The following UCK2 variants were observed in gnomAD, a reference collection of about 807,000 sequenced individuals.
The protein encoded by UCK2 is uridine-cytidine kinase 2.
Under a neutral mutation model 30.8 loss-of-function variants are expected in UCK2, and 6 were observed. The ratio of observed to expected loss-of-function variants is 0.19; its 90% CI spans 0.11 to 0.38. UCK2 has a LOEUF of 0.38. UCK2 is among the 10% of genes least tolerant of loss of function. UCK2 has a pLI of 1.00. For synonymous variants in UCK2, 125 were observed against 133.6 expected, an observed-to-expected ratio of 0.94 and a Z score of 0.45; for missense variants, 210 against 339.8, an observed-to-expected ratio of 0.62 and a Z score of 3.00.
intron 4 of UCK2, among the ~76,000 whole-genome samples, chr1:165,899,282 C>A (rs1459977963): frequency 6.6e-6 from 1 of 152,120 alleles, no homozygotes; most frequent in Non-Finnish European, 1.5e-5. Context: ...CTTCATATTC[C>A]CTCTGTGCTC....
chr1:165,837,455 A>G (rs1654223406), intron 1 of UCK2, among the ~76,000 whole-genome samples: 1 of 152,096 alleles, frequency 6.6e-6, no homozygotes, highest in South Asian at 2.1e-4. Context: ...CATTCATCTC[A>G]ACTGGATACC....
At chr1:165,891,444 C>G in intron 3 of UCK2, 122 bp downstream of exon 3, 1 of 837,156 alleles carries the variant, frequency 1.2e-6, no homozygotes, top group Non-Finnish European at 1.9e-6. Flanking sequence ...CTGCCTAATG[C>G]CATTCCAGCT....
chr1:165,892,657 CAA>C (rs937385701), intron 3 of UCK2: 5 of 152,146 alleles, frequency 3.3e-5, no homozygotes, highest in African/African-American at 1.2e-4. Flanking sequence ...GTCACGTTGA[CAA>C]GAGACATTCC....
intron 5 of UCK2, among the ~76,000 whole-genome samples, chr1:165,905,367 C>T (rs978045512): frequency 2.6e-5 from 4 of 151,868 alleles, no homozygotes; most frequent in African/African-American, 9.7e-5. Flanking sequence ...GCCTGTAGTC[C>T]CAGCTACTCA....
chr1:165,856,789 C>T (rs969901706), intron 1 of UCK2, among the ~76,000 whole-genome samples: 3 of 152,148 alleles, frequency 2.0e-5, no homozygotes, highest in Admixed American at 6.5e-5. Flanking sequence ...TTGGAACACA[C>T]TTCCAGAGTC....
At chr1:165,872,809 TCA>T (rs1655232939) in intron 1 of UCK2, among the ~76,000 whole-genome samples, 1 of 152,148 alleles carries the variant, frequency 6.6e-6, no homozygotes, top group African/African-American at 2.4e-5. Flanking sequence ...AAAAAATCAT[TCA>T]CACATGGTTT....
intron 1 of UCK2, among the ~76,000 whole-genome samples, chr1:165,860,472 G>T (rs547759648): frequency 6.6e-6 from 1 of 151,684 alleles, no homozygotes; most frequent in Admixed American, 6.6e-5. Context: ...TTTTTGAGAC[G>T]GGCCTCACTC....
chr1:165,902,106 G>A (rs1041098584), intron 4 of UCK2, among the ~76,000 whole-genome samples: 1 of 152,058 alleles, frequency 6.6e-6, no homozygotes, highest in East Asian at 1.9e-4. Flanking sequence ...CGTGGTGGCA[G>A]GTGCCTGTAG....
At chr1:165,899,496 CA>C (rs1448859033) in intron 4 of UCK2, among the ~76,000 whole-genome samples, 2 of 152,168 alleles carry the variant, frequency 1.3e-5, no homozygotes, top group Non-Finnish European at 2.9e-5. Flanking sequence ...TTGACTTCAC[CA>C]TTGAGGAATT....
At chr1:165,836,685 T>G (rs1046962090) in intron 1 of UCK2, among the ~76,000 whole-genome samples, 1 of 152,170 alleles carries the variant, frequency 6.6e-6, no homozygotes, top group Non-Finnish European at 1.5e-5. Context: ...GGAGGGGTGA[T>G]GGGCCTTTAT....
chr1:165,845,911 C>T (rs1654435133), intron 1 of UCK2, among the ~76,000 whole-genome samples: 3 of 152,186 alleles, frequency 2.0e-5, no homozygotes, highest in Non-Finnish European at 4.4e-5. Context: ...CAGTGATCCT[C>T]CTGCCTCGGC....
chr1:165,858,893 A>G (rs946660890), intron 1 of UCK2, among the ~76,000 whole-genome samples: 3 of 152,138 alleles, frequency 2.0e-5, no homozygotes, highest in Admixed American at 6.5e-5. Context: ...CCTGTTTTAT[A>G]TATTCATCAT....
chr1:165,847,536 C>T (rs889449381), intron 1 of UCK2, among the ~76,000 whole-genome samples: 3 of 152,188 alleles, frequency 2.0e-5, no homozygotes, highest in Non-Finnish European at 4.4e-5. Context: ...TCCTAATTTG[C>T]ATCACTCCCT....
At chr1:165,906,381 C>T (rs1251736703) in intron 6 of UCK2, among the ~76,000 whole-genome samples, 3 of 152,110 alleles carry the variant, frequency 2.0e-5, no homozygotes, top group Non-Finnish European at 2.9e-5. Flanking sequence ...ACTTATTTTT[C>T]ATTTTATTTT....
In UCK2 at chr1:165,875,368, T is replaced by A. The variant is rs142768396; in HGVS notation, c.100-14836T>A. 5.8e-4 allele frequency among the ~76,000 whole-genome samples: 88 copies of A among 152,238 alleles called. No individual in the cohort carries two copies. The South Asian group carries it at 0.017, about 30-fold the overall frequency. On this transcript the variant is annotated intron_variant, in intron 1 of 6. Coordinates refer to ENST00000367879, the MANE Select transcript of UCK2 (RefSeq NM_012474.5). ...GTAGGGAAACTCTCTGAAACCACAT[T>A]TTTCCTTTACTCTCACACCACAACA...
rs553252618 is a variant in UCK2, at chr1:165,864,041, G to A, written c.100-26163G>A. On this transcript the variant is annotated intron_variant, in intron 1 of 6. Coordinates refer to ENST00000367879, the MANE Select transcript of UCK2 (RefSeq NM_012474.5). ...TGGCTCACTGTAACCTCCACCTCCC[G>A]TGTTCAAGTGATTCTTCTGCCTCAG... is the stretch of plus-strand genomic sequence containing the variant. 2.6e-5 allele frequency among the ~76,000 whole-genome samples: 4 copies of A among 151,230 alleles called. No individual in the cohort carries two copies. In the South Asian group the frequency reaches 6.3e-4, roughly 24 times the overall value.
Position 165,905,929 on chromosome 1 carries a change from G to A in UCK2, c.606G>A (p.Lys202=). Residue 202 remains lysine, a synonymous_variant, in exon 6 of 7, where the codon AAG becomes AAA. Coordinates refer to ENST00000367879, the MANE Select transcript of UCK2 (RefSeq NM_012474.5). The part of the protein sequence containing the change: ...AFEEFCLPTK[K]YADVIIPRGA... ...ACTGTCTTTCTCCACAGACAAAGAA[G>A]TATGCTGATGTGATCATCCCTAGAG... 1 of 1,613,994 alleles carries A rather than the reference G, an allele frequency of 6.2e-7. No homozygotes were observed.
chr1:165,848,651 C>T (rs1298634702), intron 1 of UCK2, among the ~76,000 whole-genome samples: 1 of 151,076 alleles, frequency 6.6e-6, no homozygotes, highest in Non-Finnish European at 1.5e-5. Flanking sequence ...AACACACACA[C>T]ACACACACCC....
chr1:165,877,189 A>G (rs561038420), intron 1 of UCK2, among the ~76,000 whole-genome samples: 4 of 152,350 alleles, frequency 2.6e-5, no homozygotes, highest in African/African-American at 9.6e-5. Context: ...AAAATTAAGA[A>G]TTTTGAAAAG....
Sources: allele counts gnomAD v4.1 joint callset (sites outside exome capture counted in the v4.1 genomes callset), GRCh38; gene constraint gnomAD v4.1.1; transcripts MANE v1.5; gene names NCBI Gene and HGNC (gene_info 2026-07-23, HGNC 2026-07-21).